GPR26: variants seen among roughly 807,000 people sequenced by gnomAD.
GPR26 encodes G protein-coupled receptor 26.
A neutral mutation model predicts 23.1 loss-of-function variants in GPR26; 15 were observed. The ratio of observed to expected loss-of-function variants is 0.65; its 90% CI spans 0.43 to 1.00. The LOEUF is 1.00. GPR26 is among the 50% of genes least tolerant of loss of function. GPR26 has a pLI of 0.00. For synonymous variants in GPR26, 228 were observed against 222.1 expected (o/e 1.03, Z -0.24); for missense variants, 359 against 470.5 (o/e 0.76, Z 2.19).
Position 123,666,660 on chromosome 10 carries a change from C to T in GPR26, c.253C>T (p.Leu85Phe). 6.3e-7 allele frequency: 1 copy of T among 1,599,164 alleles called. No homozygotes were observed. The highest frequency in any genetic ancestry group is 8.5e-7 in the Non-Finnish European group (1 of 1,177,598). Residue 85 changes from leucine (L) to phenylalanine (F), a missense_variant, in exon 1 of 3, where the codon CTC (leucine) becomes TTC (phenylalanine). Transcript: ENST00000284674. ...CCGCCTGTGCCGCCTGGCTGCCTTC[C>T]TCGACACCTTCCTGGCTGCCAACTC... Reference protein sequence around the residue: ...GDRLCRLAAFLDTFLAANSML... With the variant: ...GDRLCRLAAFFDTFLAANSML...
chr10:123,685,104 G>A, intron 2 of GPR26, among the ~76,000 whole-genome samples: 1 of 152,200 alleles, frequency 6.6e-6, no homozygotes. Context: ...ACACGGAGGA[G>A]GAGAGGCTCC....
chr10:123,676,690 T>C (rs1445406264), intron 2 of GPR26, among the ~76,000 whole-genome samples: 4 of 152,146 alleles, frequency 2.6e-5, no homozygotes, highest in Non-Finnish European at 5.9e-5. Flanking sequence ...GGAGAAAGGA[T>C]TTCTGTTGCT....
rs1256152268 is a variant in GPR26, at chr10:123,674,920, T to C, written c.771T>C (p.Tyr257=). ...IGTFLVCFAP[Y]VITRLVELFS... ...CCTTCCTTGTGTGCTTCGCGCCCTA[T>C]GTGATCACCAGGTGAGCCTGATTGG... Residue 257 remains tyrosine, a synonymous_variant, in exon 2 of 3, where the codon TAT becomes TAC. Transcript: ENST00000284674. The surrounding 1 kb of genome is among the most constrained non-coding windows in gnomAD (Gnocchi z 4.1). 2 of 1,605,350 alleles carry C rather than the reference T, an allele frequency of 1.2e-6. No homozygotes were observed. The highest frequency in any genetic ancestry group is 1.7e-6 in the Non-Finnish European group (2 of 1,172,896).
intron 2 of GPR26, among the ~76,000 whole-genome samples, chr10:123,681,442 C>T (rs760261809): frequency 8.5e-5 from 13 of 152,320 alleles, no homozygotes; most frequent in Admixed American, 6.5e-5. Context: ...GAGCTGTCAG[C>T]GCAGAAACTA....
At chr10:123,667,226 G>A (rs1845197735) in intron 1 of GPR26, 151 bp downstream of exon 1, 2 of 656,854 alleles carry the variant, frequency 3.0e-6, no homozygotes, top group Non-Finnish European at 2.5e-6. Context: ...TGGGGCTTAA[G>A]GAGGTGCTTA....
chr10:123,688,205 G>T lies in GPR26; in HGVS notation c.*45G>T. ...AGAGTTTAGAATGAGGCAGCGGTGA[G>T]AAGAAGGGTGGGAGGGCGTGGGGGC... On this transcript the variant is annotated 3_prime_UTR_variant, in exon 3 of 3. Transcript: ENST00000284674. The T allele has an allele frequency of 1.8e-6, 1 of 562,300 alleles. No homozygotes were observed. The highest frequency in any genetic ancestry group is 3.3e-6 in the Non-Finnish European group (1 of 304,986). The allele number at this position is 562,300 out of a possible 1,614,324, so 34.8% of individuals were successfully genotyped here.
At chr10:123,682,228 C>T (rs1589928921) in intron 2 of GPR26, among the ~76,000 whole-genome samples, 2 of 152,168 alleles carry the variant, frequency 1.3e-5, no homozygotes. Context: ...CTGCAGTCAT[C>T]CCCAGTCTCC....
chr10:123,681,679 G>A (rs1411863986), intron 2 of GPR26, among the ~76,000 whole-genome samples: 1 of 152,222 alleles, frequency 6.6e-6, no homozygotes, highest in Non-Finnish European at 1.5e-5. Flanking sequence ...CTGGGCGGGG[G>A]ATTCCCTTCT....
rs986077028 is a variant in GPR26 at position 123,689,489 on chromosome 10, A to G, written c.*1329A>G. ...TCTGGCCATCTCTTCTTTGTCTACC[A>G]TTTCAAATTGACTTGTGAATACTCA... is the stretch of plus-strand genomic sequence containing the variant. On this transcript the variant is annotated 3_prime_UTR_variant, in exon 3 of 3. Coordinates refer to ENST00000284674, the MANE Select transcript of GPR26 (RefSeq NM_153442.4). 2.0e-5 allele frequency: 3 copies of G among 152,172 alleles called. No individual in the cohort carries two copies. The highest frequency in any genetic ancestry group is 4.8e-5 in the African/African-American group (2 of 41,442). 9.4% of individuals were successfully genotyped at this position (152,172 alleles called of 1,614,324 possible).
rs571690201 is a variant in GPR26, at chr10:123,695,588, CAATT to C, written c.*7429_*7432del. On this transcript the variant is annotated 3_prime_UTR_variant, in exon 3 of 3. Coordinates refer to ENST00000284674, the MANE Select transcript of GPR26 (RefSeq NM_153442.4). ...CATTGGATGCCATCACGTTGACACT[CAATT>C]GATTGGGTGACCCAAGATGGTCAGT... is the stretch of plus-strand genomic sequence containing the variant. Among the ~76,000 whole-genome samples, 366 of 152,266 alleles carry C rather than the reference CAATT, an allele frequency of 2.4e-3. 3 individuals are homozygous for C. Among genetic ancestry groups the C allele is most frequent in the African/African-American group, 8.4e-3 (351 of 41,550 alleles).
At position 123,691,494 on chromosome 10, in the gene GPR26, G is replaced by C. The variant is rs772854702; in HGVS notation, c.*3334G>C. On this transcript the variant is annotated 3_prime_UTR_variant, in exon 3 of 3. Coordinates refer to ENST00000284674, the MANE Select transcript of GPR26 (RefSeq NM_153442.4). ...CAGTTGTCACCCTTTTACATGCTTG[G>C]GTGCAGGTAGATGAGGCCTTCCCAT... is the stretch of plus-strand genomic sequence containing the variant. 1 of 152,108 alleles carries C rather than the reference G, an allele frequency of 6.6e-6. No homozygotes were observed. The highest frequency in any genetic ancestry group is 2.4e-5 in the African/African-American group (1 of 41,408). 9.4% of individuals were successfully genotyped at this position (152,108 alleles called of 1,614,324 possible). A position where few individuals can be genotyped will look rare whatever the true frequency, so the allele number is the denominator to read the frequency against.
At chr10:123,670,126 A>G (rs1479968569) in intron 1 of GPR26, among the ~76,000 whole-genome samples, 2 of 151,894 alleles carry the variant, frequency 1.3e-5, no homozygotes, top group East Asian at 3.9e-4. Flanking sequence ...GCAGTGCCAA[A>G]CCTAACTGGA....
rs1845475686 is a variant in GPR26 at position 123,690,117 on chromosome 10, C to T, written c.*1957C>T. 6.6e-6 allele frequency: 1 copy of T among 152,158 alleles called. No individual in the cohort carries two copies. Among genetic ancestry groups the T allele is most frequent in the Non-Finnish European group, 1.5e-5 (1 of 68,032 alleles). 9.4% of individuals were successfully genotyped at this position (152,158 alleles called of 1,614,324 possible). On this transcript the variant is annotated 3_prime_UTR_variant, in exon 3 of 3. Coordinates refer to ENST00000284674, the MANE Select transcript of GPR26 (RefSeq NM_153442.4). ...TGTGTGTGTCCCTGAAACAAAATTG[C>T]TCTGGCTCAGAGCTCCTTTGGCCAC...
intron 2 of GPR26, among the ~76,000 whole-genome samples, chr10:123,675,449 G>T (rs537017997): frequency 6.6e-6 from 1 of 152,224 alleles, no homozygotes. Flanking sequence ...GTGGCTCAGG[G>T]GCTCTTCCAC....
Position 123,674,770 on chromosome 10 carries a change from C to T in GPR26, c.669-48C>T. On this transcript the variant is annotated intron_variant, in intron 1 of 2. Coordinates refer to ENST00000284674, the MANE Select transcript of GPR26 (RefSeq NM_153442.4). This position sits in a 1 kb window ranked among gnomAD's most constrained non-coding sequence, Gnocchi z 4.1. Reference sequence around the variant, plus strand: ...TTAGTAAATAGTGCCTCATCCTGACCTAGCAAGGGTGCCTCGTAGTTCACC... The same window carrying T: ...TTAGTAAATAGTGCCTCATCCTGACTTAGCAAGGGTGCCTCGTAGTTCACC... 1 of 1,270,936 alleles carries T rather than the reference C, an allele frequency of 7.9e-7. No individual in the cohort carries two copies. Among genetic ancestry groups the T allele is most frequent in the Non-Finnish European group, 1.1e-6 (1 of 875,876 alleles). 78.7% of individuals were successfully genotyped at this position (1,270,936 alleles called of 1,614,324 possible).
chr10:123,680,670 A>G (rs1022331894), intron 2 of GPR26, among the ~76,000 whole-genome samples: 1 of 152,194 alleles, frequency 6.6e-6, no homozygotes, highest in Admixed American at 6.5e-5. Context: ...AGGAAAAGTA[A>G]GGACAAGCTC....
In GPR26 at chr10:123,675,617, A is replaced by G. The variant is rs143382827; in HGVS notation, c.782+686A>G. On this transcript the variant is annotated intron_variant, in intron 2 of 2. Transcript: ENST00000284674. Reference sequence around the variant, plus strand: ...CCACATGTGTTAGCCAGAAAGAAGGAAAATATATATTACTCAATCAGTTTT... The same window carrying G: ...CCACATGTGTTAGCCAGAAAGAAGGGAAATATATATTACTCAATCAGTTTT... Among the ~76,000 whole-genome samples, 1,472 of 152,322 alleles carry G rather than the reference A, an allele frequency of 9.7e-3. 15 individuals carry two copies. The highest frequency in any genetic ancestry group is 0.031 in the Middle Eastern group (9 of 294).
chr10:123,684,561 G>T (rs929268464), intron 2 of GPR26, among the ~76,000 whole-genome samples: 7 of 152,194 alleles, frequency 4.6e-5, no homozygotes, highest in African/African-American at 1.4e-4. Context: ...GGTTCCTTCT[G>T]AGGGTTGTGA....
At chr10:123,681,792 A>G (rs1025279432) in intron 2 of GPR26, among the ~76,000 whole-genome samples, 1 of 152,216 alleles carries the variant, frequency 6.6e-6, no homozygotes, top group African/African-American at 2.4e-5. Context: ...CAAGCTTTCT[A>G]TTGGAGAGCA....
Sources: allele counts gnomAD v4.1 joint callset (sites outside exome capture counted in the v4.1 genomes callset), GRCh38; gene constraint gnomAD v4.1.1; non-coding constraint Gnocchi (gnomAD v3.1); transcripts MANE v1.5; gene names NCBI Gene and HGNC (gene_info 2026-07-23, HGNC 2026-07-21).